The following DIAPH3 variants were observed in gnomAD, a reference collection of about 807,000 sequenced individuals.
DIAPH3 encodes protein diaphanous homolog 3.
A neutral mutation model predicts 144.3 loss-of-function variants in DIAPH3; 117 were observed. The ratio of observed to expected loss-of-function variants is 0.81; its 90% CI spans 0.70 to 0.95. DIAPH3 has a LOEUF of 0.95. DIAPH3 is among the 40% of genes least tolerant of loss of function. The probability of loss-of-function intolerance (pLI) is 0.00; values close to 1 mark genes in which losing one functional copy is unlikely to be tolerated. For synonymous variants in DIAPH3, 519 were observed against 488.9 expected (o/e 1.06, Z -0.81); for missense variants, 1,421 against 1,412.7 (o/e 1.01, Z -0.09).
chr13:59,843,768 G>A lies in DIAPH3; in HGVS notation c.2738-4320C>T, dbSNP rs74802996. ...ACCTCTCACTTGGTTTTTAAATAAG[G>A]ACCAACACACACTTGGAAGAAAGAA... On this transcript the variant is annotated intron_variant, in intron 22 of 27. Coordinates refer to ENST00000400324, the MANE Select transcript of DIAPH3 (RefSeq NM_001042517.2). Among the ~76,000 whole-genome samples, 130 of 152,250 alleles carry A rather than the reference G, an allele frequency of 8.5e-4. 1 individual carries two copies. The highest frequency in any genetic ancestry group is 8.3e-3 in the East Asian group (43 of 5,184).
At chr13:59,672,612 T>A (rs1421885861) in intron 27 of DIAPH3, among the ~76,000 whole-genome samples, 2 of 152,218 alleles carry the variant, frequency 1.3e-5, no homozygotes, top group African/African-American at 4.8e-5. Context: ...GACAAATATA[T>A]GTTTTTAATC....
At chr13:59,826,182 G>C (rs1157623896) in intron 24 of DIAPH3, among the ~76,000 whole-genome samples, 21 of 150,692 alleles carry the variant, frequency 1.4e-4, no homozygotes, top group East Asian at 7.8e-4. Context: ...TCTGGCCAGG[G>C]CAATTAGGCA....
chr13:59,882,071 C>G (rs1237728478), intron 20 of DIAPH3, among the ~76,000 whole-genome samples: 1 of 152,004 alleles, frequency 6.6e-6, no homozygotes, highest in East Asian at 1.9e-4. Context: ...ATCATGGAAT[C>G]TATGATAATA....
intron 15 of DIAPH3, among the ~76,000 whole-genome samples, chr13:59,972,075 C>G (rs934696650): frequency 3.9e-5 from 6 of 152,136 alleles, no homozygotes; most frequent in Admixed American, 1.3e-4. Flanking sequence ...GTATTATTTA[C>G]TGCTCTTTCC....
chr13:59,738,123 C>T (rs191466271), intron 27 of DIAPH3, among the ~76,000 whole-genome samples: 13 of 152,112 alleles, frequency 8.5e-5, no homozygotes, highest in South Asian at 4.2e-4. Flanking sequence ...GCTGAGATCA[C>T]GCCACTGCAC....
At chr13:59,876,447 G>A (rs573562207) in intron 21 of DIAPH3, among the ~76,000 whole-genome samples, 1 of 152,282 alleles carries the variant, frequency 6.6e-6, no homozygotes, top group South Asian at 2.1e-4. Flanking sequence ...ACTAACTGTA[G>A]TAAAAGAATA....
Position 60,052,845 on chromosome 13 carries a change from C to A in DIAPH3, c.496-10025G>T, listed in dbSNP as rs1251914525. Among the ~76,000 whole-genome samples, 6 of 149,754 alleles carry A rather than the reference C, an allele frequency of 4.0e-5. No homozygotes were observed. The East Asian group carries it at 1.2e-3, about 29-fold the overall frequency. On this transcript the variant is annotated intron_variant, in intron 4 of 27. Transcript: ENST00000400324. ...GTTTGGTAGGATCCATCTGTAGTCC[C>A]AGCTACTTGGGAGGCTGAGGCAGGA...
chr13:59,910,176 TA>T (rs35063217), intron 20 of DIAPH3, among the ~76,000 whole-genome samples: 27 of 144,624 alleles, frequency 1.9e-4, no homozygotes, highest in African/African-American at 5.0e-4. Flanking sequence ...AAAACATAGG[TA>T]AAAAAAAAAC....
chr13:59,812,562 C>G (rs1487113018), intron 24 of DIAPH3, among the ~76,000 whole-genome samples: 1 of 152,068 alleles, frequency 6.6e-6, no homozygotes, highest in Non-Finnish European at 1.5e-5. Flanking sequence ...TGAGGGGTTA[C>G]TTTACATTAG....
intron 10 of DIAPH3, 68 bp downstream of exon 10, chr13:59,992,405 T>C (rs1002757412): frequency 1.6e-5 from 21 of 1,313,934 alleles, no homozygotes; most frequent in African/African-American, 4.5e-5. Flanking sequence ...AGGTAATTTA[T>C]CTAAATTTCC....
intron 27 of DIAPH3, among the ~76,000 whole-genome samples, chr13:59,738,949 G>A (rs2036299971): frequency 6.6e-6 from 1 of 152,184 alleles, no homozygotes; most frequent in African/African-American, 2.4e-5. Context: ...ACTTTTGGAA[G>A]CTTTGCTTCC....
intron 4 of DIAPH3, among the ~76,000 whole-genome samples, chr13:60,060,467 C>T (rs2056724520): frequency 6.6e-6 from 1 of 152,052 alleles, no homozygotes; most frequent in Non-Finnish European, 1.5e-5. Context: ...GTTTTTAAAG[C>T]TGTGCAGTTT....
chr13:60,156,800 C>T (rs1410581438), intron 1 of DIAPH3, among the ~76,000 whole-genome samples: 1 of 150,810 alleles, frequency 6.6e-6, no homozygotes, highest in African/African-American at 2.5e-5. Context: ...GTATCATAAG[C>T]TCCAAACAGA....
intron 9 of DIAPH3, among the ~76,000 whole-genome samples, chr13:59,997,731 C>A (rs765667246): frequency 6.6e-6 from 1 of 152,020 alleles, no homozygotes; most frequent in East Asian, 1.9e-4. Flanking sequence ...AACCTGATTG[C>A]GCTGATGAGA....
intron 20 of DIAPH3, among the ~76,000 whole-genome samples, chr13:59,890,919 G>A (rs550418120): frequency 1.3e-5 from 2 of 151,622 alleles, no homozygotes; most frequent in Non-Finnish European, 3.0e-5. Flanking sequence ...GAACTTTACG[G>A]ACCCTTTCAG....
At chr13:60,026,418 CAGA>C (rs2054376687) in intron 5 of DIAPH3, among the ~76,000 whole-genome samples, 1 of 152,034 alleles carries the variant, frequency 6.6e-6, no homozygotes, top group Non-Finnish European at 1.5e-5. Flanking sequence ...ATTTTTTTAG[CAGA>C]AGAATACTTC....
chr13:60,069,098 C>T (rs530454027), intron 4 of DIAPH3, among the ~76,000 whole-genome samples: 1 of 152,268 alleles, frequency 6.6e-6, no homozygotes, highest in African/African-American at 2.4e-5. Flanking sequence ...CACACTCTAA[C>T]CAACAGTGTA....
chr13:59,885,308 G>T (rs2045362122), intron 20 of DIAPH3, among the ~76,000 whole-genome samples: 1 of 151,924 alleles, frequency 6.6e-6, no homozygotes, highest in South Asian at 2.1e-4. Context: ...ATTCATTCAT[G>T]CCCGCTTCCA....
intron 9 of DIAPH3, among the ~76,000 whole-genome samples, chr13:59,995,698 G>A (rs989407997): frequency 1.3e-5 from 2 of 151,946 alleles, no homozygotes; most frequent in African/African-American, 2.4e-5. Context: ...AAATGACCAC[G>A]GGAGAAAACA....
Sources: allele counts gnomAD v4.1 joint callset (sites outside exome capture counted in the v4.1 genomes callset), GRCh38; gene constraint gnomAD v4.1.1; transcripts MANE v1.5; gene names NCBI Gene and HGNC (gene_info 2026-07-23, HGNC 2026-07-21).